The following MSRA variants were observed in gnomAD, a reference collection of about 807,000 sequenced individuals.
MSRA encodes the protein methionine sulfoxide reductase A.
In MSRA, 54 loss-of-function variants were observed where a neutral mutation model predicts 31.3. The observed-to-expected ratio is 1.73, with a 90% CI of 1.39 to 2.17. The LOEUF is 2.17. Ranked by LOEUF, MSRA falls within the 30% of genes most tolerant of loss-of-function variation. The probability of loss-of-function intolerance (pLI) is 0.00; values close to 1 mark genes in which losing one functional copy is unlikely to be tolerated. For missense variants in MSRA, 507 were observed against 300.9 expected, an observed-to-expected ratio of 1.69 and a Z score of -5.07; for synonymous variants, 169 against 116.5, an observed-to-expected ratio of 1.45 and a Z score of -2.90.
rs1171028769 is a variant in MSRA, at chr8:10,416,729, A to G, written c.544-11419A>G. ...AGAGCTGCTTACACTCTAACCTCAC[A>G]TGGGATTCGGTACGTCTGGGGAAGG... On this transcript the variant is annotated intron_variant, in intron 5 of 5. Coordinates refer to ENST00000317173, the MANE Select transcript of MSRA (RefSeq NM_012331.5). Among the ~76,000 whole-genome samples, 3 of 152,176 alleles carry G rather than the reference A, an allele frequency of 2.0e-5. No homozygotes were observed. In the South Asian group the frequency reaches 6.2e-4, roughly 31 times the overall value.
chr8:10,406,836 G>A (rs995987596), intron 5 of MSRA, among the ~76,000 whole-genome samples: 2 of 152,216 alleles, frequency 1.3e-5, no homozygotes, highest in African/African-American at 2.4e-5. Flanking sequence ...GGATGGCCCT[G>A]AGTCTTGCCT....
chr8:10,285,402 T>G (rs906289983), intron 3 of MSRA, among the ~76,000 whole-genome samples: 1 of 152,218 alleles, frequency 6.6e-6, no homozygotes, highest in African/African-American at 2.4e-5. Flanking sequence ...GAGTACAGGG[T>G]GATGTTTCCA....
At chr8:10,118,364 A>C (rs1039697088) in intron 1 of MSRA, among the ~76,000 whole-genome samples, 3 of 152,152 alleles carry the variant, frequency 2.0e-5, no homozygotes. Flanking sequence ...TATGTAAATC[A>C]TGGCTCCAAC....
chr8:10,244,272 C>G (rs1420426195), intron 2 of MSRA, among the ~76,000 whole-genome samples: 1 of 152,094 alleles, frequency 6.6e-6, no homozygotes, highest in Non-Finnish European at 1.5e-5. Flanking sequence ...AGTTTAGAAA[C>G]TTATGGTACA....
In MSRA at chr8:10,301,386, G is replaced by A. The variant is rs76468476; in HGVS notation, c.332-148G>A. The A allele has an allele frequency of 1.9e-3, 1,165 of 613,512 alleles. 4 individuals are homozygous for A. The African/African-American group carries it at 0.02, about 10-fold the overall frequency. 38.0% of individuals were successfully genotyped at this position (613,512 alleles called of 1,614,324 possible). On this transcript the variant is annotated intron_variant, in intron 3 of 5. Coordinates refer to ENST00000317173, the MANE Select transcript of MSRA (RefSeq NM_012331.5). ...GAACCAGTAACAGAGCCTTGAGAGA[G>A]ACTCTTAGCTAAAGTCTAATCCTCC...
chr8:10,316,590 C>T (rs1198463379), intron 4 of MSRA, among the ~76,000 whole-genome samples: 1 of 145,476 alleles, frequency 6.9e-6, no homozygotes, highest in East Asian at 1.9e-4. Context: ...TCCTCCTCTT[C>T]TCCCCCTCCC....
chr8:10,339,394 G>A (rs539764962), intron 5 of MSRA, among the ~76,000 whole-genome samples: 2 of 152,046 alleles, frequency 1.3e-5, no homozygotes, highest in Non-Finnish European at 2.9e-5. Context: ...GTCCACATTG[G>A]CTGCTTTTGA....
At chr8:10,326,428 G>C (rs1431552412) in intron 5 of MSRA, 1 of 152,204 alleles carries the variant, frequency 6.6e-6, no homozygotes, top group Non-Finnish European at 1.5e-5. Flanking sequence ...GCGACTGTCA[G>C]AGTTTTGGCT....
intron 5 of MSRA, among the ~76,000 whole-genome samples, chr8:10,374,658 G>A (rs949399606): frequency 6.6e-6 from 1 of 152,200 alleles, no homozygotes; most frequent in African/African-American, 2.4e-5. Context: ...GAGTCTGACA[G>A]TTTAGCGTGC....
At chr8:10,206,208 C>T (rs563362357) in intron 1 of MSRA, among the ~76,000 whole-genome samples, 3 of 152,172 alleles carry the variant, frequency 2.0e-5, no homozygotes, top group Non-Finnish European at 2.9e-5. Flanking sequence ...CACGGAAGCT[C>T]AGCATGTTTA....
At chr8:10,352,999 G>T (rs149802295) in intron 5 of MSRA, among the ~76,000 whole-genome samples, 4 of 152,082 alleles carry the variant, frequency 2.6e-5, no homozygotes, top group Non-Finnish European at 5.9e-5. Context: ...TTTTTGAGGT[G>T]TGTCTCTGTG....
chr8:10,173,845 C>T (rs543855729), intron 1 of MSRA, among the ~76,000 whole-genome samples: 1 of 152,322 alleles, frequency 6.6e-6, no homozygotes, highest in South Asian at 2.1e-4. Context: ...ATTTAATTCA[C>T]ACCAGGCAGC....
chr8:10,174,053 G>C (rs1327122613), intron 1 of MSRA, among the ~76,000 whole-genome samples: 1 of 152,164 alleles, frequency 6.6e-6, no homozygotes, highest in South Asian at 2.1e-4. Context: ...AACTCTGGCT[G>C]ATGGCAAAGT....
Position 10,070,683 on chromosome 8 carries a change from G to A in MSRA, c.142+16025G>A, listed in dbSNP as rs148175805. Among the ~76,000 whole-genome samples, 6 of 152,238 alleles carry A rather than the reference G, an allele frequency of 3.9e-5. 1 individual carries two copies. The highest frequency in any genetic ancestry group is 1.4e-4 in the African/African-American group (6 of 41,538). On this transcript the variant is annotated intron_variant, in intron 1 of 5. Coordinates refer to ENST00000317173, the MANE Select transcript of MSRA (RefSeq NM_012331.5). ...CACCCCCTGCCCATGTGCAACCTCT[G>A]GCGACCACTCCTGTTCTCCATTGCT...
chr8:10,292,387 C>G (rs1395131318), intron 3 of MSRA, among the ~76,000 whole-genome samples: 3 of 152,240 alleles, frequency 2.0e-5, no homozygotes, highest in Non-Finnish European at 4.4e-5. Context: ...TAAGCACATA[C>G]TTGTAAGCAC....
intron 1 of MSRA, among the ~76,000 whole-genome samples, chr8:10,163,180 A>C (rs1804813465): frequency 6.6e-6 from 1 of 152,112 alleles, no homozygotes; most frequent in Non-Finnish European, 1.5e-5. Flanking sequence ...TTGATCTTGG[A>C]CTTCCAGCCT....
rs80229702 is a variant in MSRA, at chr8:10,376,562, T to C, written c.544-51586T>C. 7.5e-3 allele frequency among the ~76,000 whole-genome samples: 1,137 copies of C among 152,288 alleles called. 16 individuals are homozygous for C. Among genetic ancestry groups the C allele is most frequent in the African/African-American group, 0.026 (1,071 of 41,558 alleles). On this transcript the variant is annotated intron_variant, in intron 5 of 5. Transcript: ENST00000317173. ...CTCCTGGGGTTTGGTAAATGATAAATAACTTATTCCAGGTAAAGCTCTTAG... is the reference window on the plus strand; with the variant it reads ...CTCCTGGGGTTTGGTAAATGATAAACAACTTATTCCAGGTAAAGCTCTTAG...
At chr8:10,224,880 G>C (rs989652841) in intron 2 of MSRA, among the ~76,000 whole-genome samples, 8 of 152,162 alleles carry the variant, frequency 5.3e-5, no homozygotes, top group Non-Finnish European at 1.2e-4. Context: ...GCCGGGCGCA[G>C]TGGGCTCACA....
intron 2 of MSRA, among the ~76,000 whole-genome samples, chr8:10,211,188 A>G (rs1378920109): frequency 6.6e-6 from 1 of 152,194 alleles, no homozygotes; most frequent in Non-Finnish European, 1.5e-5. Context: ...GGAAAGACAG[A>G]TAGAGTGTGG....
Sources: gnomAD v4.1 joint callset for allele counts (sites outside exome capture counted in the v4.1 genomes callset) on GRCh38, gnomAD v4.1.1 for gene constraint, MANE v1.5 for transcripts, NCBI Gene and HGNC (gene_info 2026-07-23, HGNC 2026-07-21) for gene names.